CTNNA3: variants seen among roughly 807,000 people sequenced by gnomAD.
CTNNA3 encodes the protein catenin alpha 3.
CTNNA3 carries 76 observed loss-of-function variants against 95.7 expected under a neutral mutation model. The ratio of observed to expected loss-of-function variants is 0.79; its 90% CI spans 0.66 to 0.96. The LOEUF is 0.96. Ranked by LOEUF, CTNNA3 falls within the 40% of genes least tolerant of loss-of-function variation. The probability of loss-of-function intolerance (pLI) is 0.00; values close to 1 mark genes in which losing one functional copy is unlikely to be tolerated. For missense variants in CTNNA3, 1,191 were observed against 1,089.8 expected (o/e 1.09, Z -1.31); for synonymous variants, 431 against 374.4 (o/e 1.15, Z -1.74).
chr10:66,723,862 A>G (rs1397670313), intron 9 of CTNNA3, among the ~76,000 whole-genome samples: 1 of 152,212 alleles, frequency 6.6e-6, no homozygotes, highest in African/African-American at 2.4e-5. Flanking sequence ...GAAGCAGAGA[A>G]ACAAATAATT....
At chr10:66,348,371 C>T (rs1042721439) in intron 12 of CTNNA3, among the ~76,000 whole-genome samples, 15 of 152,084 alleles carry the variant, frequency 9.9e-5, no homozygotes, top group African/African-American at 3.4e-4. Flanking sequence ...TTCACATAAT[C>T]CCACTGAGAC....
At chr10:66,190,530 C>G (rs997355031) in intron 13 of CTNNA3, among the ~76,000 whole-genome samples, 2 of 152,058 alleles carry the variant, frequency 1.3e-5, no homozygotes, top group African/African-American at 4.8e-5. Context: ...TTATGCTTTC[C>G]TCACAAACCA....
intron 11 of CTNNA3, among the ~76,000 whole-genome samples, chr10:66,407,678 T>A (rs1327181236): frequency 1.3e-5 from 2 of 152,166 alleles, no homozygotes; most frequent in Non-Finnish European, 2.9e-5. Context: ...ACTCTTGGGT[T>A]CAAGCGATTC....
intron 17 of CTNNA3, among the ~76,000 whole-genome samples, chr10:65,958,814 T>A (rs1034364983): frequency 1.4e-4 from 22 of 152,234 alleles, no homozygotes; most frequent in African/African-American, 5.1e-4. Flanking sequence ...CTGGGAGGTG[T>A]CTCCCAGTTA....
intron 9 of CTNNA3, among the ~76,000 whole-genome samples, chr10:66,702,294 AT>A (rs1019545788): frequency 2.0e-5 from 3 of 151,026 alleles, no homozygotes; most frequent in Admixed American, 6.6e-5. Context: ...CTGTGTGCTG[AT>A]TTTTTTTTAG....
chr10:67,110,162 A>G (rs1334060957), intron 7 of CTNNA3, among the ~76,000 whole-genome samples: 2 of 152,246 alleles, frequency 1.3e-5, no homozygotes, highest in African/African-American at 4.8e-5. Context: ...TGAACTCATT[A>G]GACAATAACT....
intron 5 of CTNNA3, among the ~76,000 whole-genome samples, chr10:67,415,366 G>A (rs1845507346): frequency 6.6e-6 from 1 of 152,170 alleles, no homozygotes; most frequent in East Asian, 1.9e-4. Context: ...CATCCAGGCT[G>A]AGAGTAAAAT....
At chr10:67,152,161 TGGAGGCAG>T (rs1861113641) in intron 7 of CTNNA3, among the ~76,000 whole-genome samples, 1 of 152,140 alleles carries the variant, frequency 6.6e-6, no homozygotes, top group South Asian at 2.1e-4. Context: ...CTGTTTGAAG[TGGAGGCAG>T]GGAGTGAACT....
intron 7 of CTNNA3, among the ~76,000 whole-genome samples, chr10:67,038,432 G>A (rs1394063909): frequency 6.6e-6 from 1 of 152,022 alleles, no homozygotes; most frequent in African/African-American, 2.4e-5. Flanking sequence ...ATAAGAAGAT[G>A]AAAATATATG....
intron 11 of CTNNA3, among the ~76,000 whole-genome samples, chr10:66,402,920 C>T (rs2093031259): frequency 6.6e-6 from 1 of 152,054 alleles, no homozygotes; most frequent in East Asian, 1.9e-4. Context: ...CATATTTGTT[C>T]CAAGTTTTTT....
intron 5 of CTNNA3, among the ~76,000 whole-genome samples, chr10:67,241,932 C>G (rs563613053): frequency 3.2e-4 from 49 of 152,090 alleles, no homozygotes; most frequent in African/African-American, 1.1e-3. Context: ...ATTTAATGGC[C>G]CCACTAGGAA....
intron 4 of CTNNA3, among the ~76,000 whole-genome samples, chr10:67,531,839 G>A (rs560111768): frequency 3.3e-5 from 5 of 152,150 alleles, no homozygotes; most frequent in African/African-American, 1.2e-4. Flanking sequence ...CCAGTGGGAG[G>A]TGATTGAATT....
At chr10:67,562,231 A>C (rs1366594979) in intron 3 of CTNNA3, among the ~76,000 whole-genome samples, 1 of 152,196 alleles carries the variant, frequency 6.6e-6, no homozygotes, top group African/African-American at 2.4e-5. Context: ...ATTGATACAA[A>C]AATCCTCAGT....
intron 2 of CTNNA3, among the ~76,000 whole-genome samples, chr10:67,642,372 C>T (rs569670463): frequency 6.6e-6 from 1 of 151,966 alleles, no homozygotes; most frequent in Non-Finnish European, 1.5e-5. Context: ...GGGCAAAAGA[C>T]ATGAACAGAC....
chr10:67,232,174 C>T (rs1032712728), intron 5 of CTNNA3, among the ~76,000 whole-genome samples: 22 of 152,062 alleles, frequency 1.4e-4, no homozygotes, highest in Admixed American at 6.5e-5. Context: ...CACAAAGACA[C>T]TCCTCGAGAA....
intron 1 of CTNNA3, among the ~76,000 whole-genome samples, chr10:67,726,247 T>A (rs1417968660): frequency 1.0e-5 from 1 of 98,868 alleles, no homozygotes; most frequent in African/African-American, 4.4e-5. Flanking sequence ...TTATATATTA[T>A]ATATAATATT....
At chr10:67,024,923 G>T (rs1012704365) in intron 7 of CTNNA3, among the ~76,000 whole-genome samples, 1 of 152,008 alleles carries the variant, frequency 6.6e-6, no homozygotes, top group Non-Finnish European at 1.5e-5. Context: ...CTGAGGTCCG[G>T]AGTTTGAGAC....
intron 1 of CTNNA3, among the ~76,000 whole-genome samples, chr10:67,701,839 T>A (rs927715204): frequency 1.1e-4 from 16 of 152,014 alleles, no homozygotes; most frequent in African/African-American, 3.6e-4. Context: ...GCAAATTGGA[T>A]AAAGAGTCAA....
intron 13 of CTNNA3, among the ~76,000 whole-genome samples, chr10:66,268,424 G>A (rs550366299): frequency 4.6e-5 from 7 of 152,238 alleles, no homozygotes; most frequent in African/African-American, 1.4e-4. Flanking sequence ...CGACTATCCA[G>A]TGGCTACCAT....
Sources: allele counts gnomAD v4.1 joint callset (sites outside exome capture counted in the v4.1 genomes callset), GRCh38; gene constraint gnomAD v4.1.1; transcripts MANE v1.5; gene names NCBI Gene and HGNC (gene_info 2026-07-23, HGNC 2026-07-21).